The following STAG1 variants were observed in gnomAD, a reference collection of about 807,000 sequenced individuals.
STAG1 encodes the protein STAG1 cohesin complex component.
In STAG1, 26 loss-of-function variants were observed where a neutral mutation model predicts 170.9. The ratio of observed to expected loss-of-function variants is 0.15; its 90% confidence interval spans 0.11 to 0.21. STAG1 has a LOEUF of 0.21. STAG1 is among the 10% of genes least tolerant of loss of function. STAG1 has a pLI of 1.00. For missense variants in STAG1, 964 were observed against 1,509.5 expected (o/e 0.64, Z 5.99); for synonymous variants, 514 against 497.7 (o/e 1.03, Z -0.44).
chr3:136,574,330 ATG>A (rs566732708), intron 4 of STAG1, among the ~76,000 whole-genome samples: 8 of 150,870 alleles, frequency 5.3e-5, no homozygotes, highest in Admixed American at 6.6e-5. Context: ...ATATATATGT[ATG>A]TGTGTGTGTA....
At chr3:136,362,220 A>T (rs2108285145) in intron 26 of STAG1, among the ~76,000 whole-genome samples, 1 of 151,878 alleles carries the variant, frequency 6.6e-6, no homozygotes, top group East Asian at 2.0e-4. Context: ...CGGCCTCCCA[A>T]AGTGCTGGGA....
At chr3:136,631,402 T>A (rs1940324042) in intron 1 of STAG1, among the ~76,000 whole-genome samples, 1 of 151,974 alleles carries the variant, frequency 6.6e-6, no homozygotes, top group Non-Finnish European at 1.5e-5. Flanking sequence ...AAGGATTTAG[T>A]GGGTGGAAGG....
chr3:136,566,520 T>G (rs191035657), intron 5 of STAG1, among the ~76,000 whole-genome samples: 3 of 152,200 alleles, frequency 2.0e-5, no homozygotes, highest in Admixed American at 2.0e-4. Context: ...TTGGTACACT[T>G]TAAAATGCTT....
chr3:136,557,612 G>A (rs1209191871), intron 5 of STAG1, among the ~76,000 whole-genome samples: 3 of 151,984 alleles, frequency 2.0e-5, no homozygotes, highest in South Asian at 2.1e-4. Flanking sequence ...GTGTGAGCTC[G>A]GCTCACCGTA....
chr3:136,610,813 G>C (rs556785884), intron 3 of STAG1, among the ~76,000 whole-genome samples: 7 of 152,122 alleles, frequency 4.6e-5, no homozygotes, highest in African/African-American at 1.4e-4. Flanking sequence ...TTGGTGTTGT[G>C]TATGCACAAT....
chr3:136,428,073 C>T lies in STAG1; in HGVS notation c.1651-5029G>A, dbSNP rs144156011. 5.3e-3 allele frequency among the ~76,000 whole-genome samples: 797 copies of T among 150,234 alleles called. 6 individuals are homozygous for T. Among genetic ancestry groups the T allele is most frequent in the African/African-American group, 0.019 (763 of 40,710 alleles). On this transcript the variant is annotated intron_variant, in intron 16 of 33. Coordinates refer to ENST00000383202, the MANE Select transcript of STAG1 (RefSeq NM_005862.3). ...GGTTTTTAATGCAGATCACAGTGCC[C>T]TATTCTGGAAAAAAAAAAAAAATGC...
intron 1 of STAG1, among the ~76,000 whole-genome samples, chr3:136,655,656 A>G (rs1941346490): frequency 6.6e-6 from 1 of 152,118 alleles, no homozygotes; most frequent in Non-Finnish European, 1.5e-5. Flanking sequence ...CCAGCTACTC[A>G]GGAGGCTGAG....
chr3:136,407,417 G>A (rs990291448), intron 21 of STAG1, among the ~76,000 whole-genome samples: 6 of 152,104 alleles, frequency 3.9e-5, no homozygotes, highest in Admixed American at 1.3e-4. Flanking sequence ...TGGCACTACT[G>A]TAAATAATAC....
chr3:136,369,536 A>C (rs1937210922), intron 23 of STAG1, among the ~76,000 whole-genome samples: 1 of 152,142 alleles, frequency 6.6e-6, no homozygotes, highest in Admixed American at 6.6e-5. Flanking sequence ...ACTCAAAAAT[A>C]GCTCATTAAG....
intron 21 of STAG1, among the ~76,000 whole-genome samples, chr3:136,405,393 TA>T (rs947574994): frequency 9.9e-5 from 15 of 151,806 alleles, no homozygotes; most frequent in Middle Eastern, 3.2e-3. Flanking sequence ...AGATGTGTGC[TA>T]CCATGCCCAG....
At chr3:136,592,442 GCCT>G (rs1375874386) in intron 4 of STAG1, among the ~76,000 whole-genome samples, 75 of 152,150 alleles carry the variant, frequency 4.9e-4, no homozygotes, top group Non-Finnish European at 3.2e-4. Flanking sequence ...GTTTCCTAAG[GCCT>G]CCCCAGCCAT....
intron 1 of STAG1, among the ~76,000 whole-genome samples, chr3:136,662,678 C>T (rs1941618708): frequency 2.0e-5 from 3 of 152,116 alleles, no homozygotes. Context: ...TTCCAGGGCT[C>T]AAGCGAGTCC....
At chr3:136,406,780 T>C (rs1397842907) in intron 21 of STAG1, among the ~76,000 whole-genome samples, 1 of 152,066 alleles carries the variant, frequency 6.6e-6, no homozygotes, top group Non-Finnish European at 1.5e-5. Context: ...AAAAATATCA[T>C]TAGAAGCGTG....
chr3:136,561,317 C>T (rs911276981), intron 5 of STAG1, among the ~76,000 whole-genome samples: 11 of 152,236 alleles, frequency 7.2e-5, no homozygotes, highest in Non-Finnish European at 1.3e-4. Flanking sequence ...AAAGGTCTTC[C>T]CCACTCCGTG....
At chr3:136,507,019 C>T (rs748846040) in intron 7 of STAG1, among the ~76,000 whole-genome samples, 2 of 152,128 alleles carry the variant, frequency 1.3e-5, no homozygotes, top group East Asian at 1.9e-4. Flanking sequence ...TCTTCCAAGC[C>T]GTATAAACAT....
At chr3:136,476,954 G>A (rs1028069306) in intron 10 of STAG1, among the ~76,000 whole-genome samples, 11 of 152,050 alleles carry the variant, frequency 7.2e-5, no homozygotes, top group African/African-American at 2.4e-4. Context: ...TTAAAAAAAA[G>A]CTTAGTTTTT....
At chr3:136,452,264 G>A (rs2088965443) in intron 13 of STAG1, 117 bp from the exon 14 acceptor site, 3 of 674,544 alleles carry the variant, frequency 4.4e-6, no homozygotes, top group Non-Finnish European at 7.9e-6. Context: ...GGAGCAGGGA[G>A]AACGAGCATC....
At chr3:136,357,871 C>T (rs2108279421) in intron 27 of STAG1, 23 bp from the exon 28 acceptor site, 1 of 1,574,778 alleles carries the variant, frequency 6.4e-7, no homozygotes, top group Non-Finnish European at 8.6e-7. Context: ...AAAATATCAA[C>T]TTATTTTTCC....
At chr3:136,684,178 T>C (rs1220753188) in intron 1 of STAG1, among the ~76,000 whole-genome samples, 1 of 152,192 alleles carries the variant, frequency 6.6e-6, no homozygotes, top group Non-Finnish European at 1.5e-5. Flanking sequence ...AACAAAGCGA[T>C]TCTGGTTTAC....
Sources: gnomAD v4.1 joint callset for allele counts (sites outside exome capture counted in the v4.1 genomes callset) on GRCh38, gnomAD v4.1.1 for gene constraint, MANE v1.5 for transcripts, NCBI Gene and HGNC (gene_info 2026-07-23, HGNC 2026-07-21) for gene names.